The following PARD3B variants were observed in gnomAD, a reference collection of about 807,000 sequenced individuals.
The protein encoded by PARD3B is par-3 family cell polarity regulator beta.
PARD3B carries 103 observed loss-of-function variants against 130.2 expected under a neutral mutation model. The observed-to-expected ratio is 0.79, with a 90% CI of 0.67 to 0.93. PARD3B has a LOEUF of 0.93. PARD3B is among the 40% of genes least tolerant of loss of function. PARD3B has a pLI of 0.00. For missense variants in PARD3B, 1,609 were observed against 1,499.2 expected (o/e 1.07, Z -1.21); for synonymous variants, 583 against 553.2 (o/e 1.05, Z -0.76).
chr2:205,082,022 A>G (rs1701445351), intron 4 of PARD3B, among the ~76,000 whole-genome samples: 1 of 152,148 alleles, frequency 6.6e-6, no homozygotes, highest in Non-Finnish European at 1.5e-5. Context: ...TTCAAGGTTT[A>G]TAAATATATA....
At chr2:204,952,431 C>T (rs1015695363) in intron 2 of PARD3B, among the ~76,000 whole-genome samples, 5 of 152,082 alleles carry the variant, frequency 3.3e-5, no homozygotes, top group Non-Finnish European at 5.9e-5. Flanking sequence ...TTACTGGTTC[C>T]AGGTGAGTGC....
chr2:205,188,663 G>T (rs1349416798), intron 14 of PARD3B, among the ~76,000 whole-genome samples: 1 of 152,056 alleles, frequency 6.6e-6, no homozygotes, highest in Admixed American at 6.6e-5. Flanking sequence ...CCTGCAAGCT[G>T]CTGCGTTGCC....
At position 205,550,926 on chromosome 2, in the gene PARD3B, T is replaced by C. The variant is rs1030057535; in HGVS notation, c.3181-2398T>C. Among the ~76,000 whole-genome samples, 2 of 43,796 alleles carry C rather than the reference T, an allele frequency of 4.6e-5. No homozygotes were observed. Among genetic ancestry groups the C allele is most frequent in the African/African-American group, 5.9e-5 (1 of 16,984 alleles). The allele number at this position is 43,796 out of a possible 152,430, so 28.7% of individuals were successfully genotyped here. On this transcript the variant is annotated intron_variant, in intron 21 of 22. Coordinates refer to ENST00000406610, the MANE Select transcript of PARD3B (RefSeq NM_001302769.2). The surrounding 1 kb of genome is among the most constrained non-coding windows in gnomAD (Gnocchi z 4.5). ...CATGTTATAAATACATATAATTATGTGTGTGTGTGTGTGTGTATATATATA... is the reference window on the plus strand; with the variant it reads ...CATGTTATAAATACATATAATTATGCGTGTGTGTGTGTGTGTATATATATA...
At chr2:205,583,400 T>TGTGTGTGTGTGTGTGC (rs1192785640) in intron 22 of PARD3B, among the ~76,000 whole-genome samples, 166 of 133,984 alleles carry the variant, frequency 1.2e-3, no homozygotes, top group African/African-American at 3.9e-3. Context: ...TGTGTGTGTG[T>TGTGTGTGTGTGTGTGC]GCGCGCGCAC....
chr2:204,862,311 C>T (rs1432077156), intron 2 of PARD3B, among the ~76,000 whole-genome samples: 1 of 152,206 alleles, frequency 6.6e-6, no homozygotes, highest in Non-Finnish European at 1.5e-5. Flanking sequence ...CTTTACCTCC[C>T]TGGACCTTCG....
chr2:205,592,849 G>T lies in PARD3B; in HGVS notation c.3261-22607G>T, dbSNP rs762162512. Among the ~76,000 whole-genome samples the T allele has an allele frequency of 5.3e-5, 8 of 152,228 alleles. No individual in the cohort carries two copies. The highest frequency in any genetic ancestry group is 1.9e-4 in the African/African-American group (8 of 41,456). ...GCCCAAACCGAACTCTGTCTTCAAG[G>T]TTCCCTTAATGCAGTCCCCTTGTCA... On this transcript the variant is annotated intron_variant, in intron 22 of 22. Transcript: ENST00000406610. The surrounding 1 kb of genome is among the most constrained non-coding windows in gnomAD (Gnocchi z 4.5).
At chr2:204,656,607 A>G (rs747016442) in intron 1 of PARD3B, among the ~76,000 whole-genome samples, 11 of 152,294 alleles carry the variant, frequency 7.2e-5, no homozygotes, top group Non-Finnish European at 1.3e-4. Flanking sequence ...AACTATTACT[A>G]TGAACTCAGA....
chr2:205,221,280 A>G (rs2038224601), intron 15 of PARD3B, among the ~76,000 whole-genome samples: 1 of 152,130 alleles, frequency 6.6e-6, no homozygotes, highest in Non-Finnish European at 1.5e-5. Context: ...GCTCAGGACT[A>G]CCTTGCTCCT....
intron 1 of PARD3B, among the ~76,000 whole-genome samples, chr2:204,663,246 C>A (rs768641640): frequency 1.2e-4 from 19 of 152,176 alleles, no homozygotes; most frequent in Non-Finnish European, 2.4e-4. Flanking sequence ...CTGCCATTCT[C>A]ATGTGAGCTA....
intron 2 of PARD3B, among the ~76,000 whole-genome samples, chr2:204,756,567 C>T (rs911140414): frequency 1.1e-4 from 17 of 152,032 alleles, no homozygotes; most frequent in African/African-American, 1.9e-4. Flanking sequence ...TTAAATGTGA[C>T]GAGTTTTTCA....
rs1293277635 is a variant in PARD3B, at chr2:204,996,787, G to C, written c.394+31464G>C. On this transcript the variant is annotated intron_variant, in intron 3 of 22. Coordinates refer to ENST00000406610, the MANE Select transcript of PARD3B (RefSeq NM_001302769.2). ...GGTGTGGGATATAGTCTCGTGGTGCGCCGTTTTTTAAGCCGGTCTGAAAAG... is the reference window on the plus strand; with the variant it reads ...GGTGTGGGATATAGTCTCGTGGTGCCCCGTTTTTTAAGCCGGTCTGAAAAG... 5.4e-5 allele frequency among the ~76,000 whole-genome samples: 8 copies of C among 148,498 alleles called. No individual in the cohort carries two copies. The East Asian group carries it at 1.0e-3, about 18-fold the overall frequency.
Position 205,473,108 on chromosome 2 carries a change from C to A in PARD3B, c.3045-26788C>A, listed in dbSNP as rs1217591467. On this transcript the variant is annotated intron_variant, in intron 20 of 22. Coordinates refer to ENST00000406610, the MANE Select transcript of PARD3B (RefSeq NM_001302769.2). The surrounding 1 kb of genome is among the most constrained non-coding windows in gnomAD (Gnocchi z 4.9). ...CTTAAGAAGCTCTAAAAAGAAAGTT[C>A]TGGGTTAGGAAGTTTCTCATAATAG... Among the ~76,000 whole-genome samples the A allele has an allele frequency of 6.6e-6, 1 of 152,108 alleles. No individual in the cohort carries two copies. Among genetic ancestry groups the A allele is most frequent in the Non-Finnish European group, 1.5e-5 (1 of 68,004 alleles).
At chr2:204,969,028 C>T (rs1438438462) in intron 3 of PARD3B, among the ~76,000 whole-genome samples, 1 of 152,208 alleles carries the variant, frequency 6.6e-6, no homozygotes, top group Non-Finnish European at 1.5e-5. Flanking sequence ...ATCACTTTCA[C>T]ACTTTAAGAT....
chr2:205,451,185 C>A (rs1364809127), intron 20 of PARD3B, among the ~76,000 whole-genome samples: 1 of 152,150 alleles, frequency 6.6e-6, no homozygotes. Context: ...ATCATGATTC[C>A]AAGATGGCCG....
At chr2:204,578,999 G>A (rs1040247194) in intron 1 of PARD3B, among the ~76,000 whole-genome samples, 2 of 151,964 alleles carry the variant, frequency 1.3e-5, no homozygotes, top group Non-Finnish European at 1.5e-5. Context: ...GTCAGGAAGC[G>A]TGTGGTCTTT....
intron 3 of PARD3B, among the ~76,000 whole-genome samples, chr2:205,036,501 CTATA>C (rs1559375350): frequency 6.8e-6 from 1 of 146,224 alleles, no homozygotes; most frequent in East Asian, 2.0e-4. Context: ...ATATAGCAGA[CTATA>C]TATAAAAAAT....
At chr2:205,395,141 C>T (rs1022139167) in intron 18 of PARD3B, among the ~76,000 whole-genome samples, 22 of 152,244 alleles carry the variant, frequency 1.4e-4, no homozygotes, top group African/African-American at 5.1e-4. Flanking sequence ...CCATCTTCAG[C>T]ACTCGACTGC....
Position 205,168,314 on chromosome 2 carries a change from A to T in PARD3B, c.1621-3897A>T, listed in dbSNP as rs370002636. Reference sequence around the variant, plus strand: ...GAGAGAGAGAGAGAGAGAGAGAGAGAGAGAGAGTGTGTGTGTGTGAATATT... The same window carrying T: ...GAGAGAGAGAGAGAGAGAGAGAGAGTGAGAGAGTGTGTGTGTGTGAATATT... On this transcript the variant is annotated intron_variant, in intron 11 of 22. Coordinates refer to ENST00000406610, the MANE Select transcript of PARD3B (RefSeq NM_001302769.2). Among the ~76,000 whole-genome samples the T allele has an allele frequency of 2.7e-3, 374 of 137,924 alleles. 1 individual carries two copies. Among genetic ancestry groups the T allele is most frequent in the African/African-American group, 6.9e-3 (252 of 36,592 alleles). The allele number at this position is 137,924 out of a possible 152,430, so 90.5% of individuals were successfully genotyped here.
intron 1 of PARD3B, among the ~76,000 whole-genome samples, chr2:204,638,711 A>C (rs955096065): frequency 1.3e-5 from 2 of 152,134 alleles, no homozygotes; most frequent in Non-Finnish European, 2.9e-5. Flanking sequence ...TCAAATGACT[A>C]TGCATTAATT....
Sources: gnomAD v4.1 joint callset for allele counts (sites outside exome capture counted in the v4.1 genomes callset) on GRCh38, gnomAD v4.1.1 for gene constraint, Gnocchi (gnomAD v3.1) non-coding constraint, MANE v1.5 for transcripts, NCBI Gene and HGNC (gene_info 2026-07-23, HGNC 2026-07-21) for gene names.